The following DYRK1A variants were observed in gnomAD, a reference collection of about 807,000 sequenced individuals.
DYRK1A encodes the protein dual specificity tyrosine-phosphorylation-regulated kinase 1A.
In DYRK1A, 9 loss-of-function variants were observed where a neutral mutation model predicts 79.7. The ratio of observed to expected loss-of-function variants is 0.11; its 90% CI spans 0.07 to 0.20. The LOEUF (loss-of-function observed/expected upper bound fraction) is 0.20, where lower values mean the gene tolerates loss of function less well. DYRK1A is among the 10% of genes least tolerant of loss of function. The pLI is 1.00. For synonymous variants in DYRK1A, 349 were observed against 329.7 expected (o/e 1.06, Z -0.63); for missense variants, 622 against 956.0 (o/e 0.65, Z 4.61).
intron 2 of DYRK1A, among the ~76,000 whole-genome samples, chr21:37,450,172 T>C (rs1469341466): frequency 6.6e-6 from 1 of 152,170 alleles, no homozygotes; most frequent in Admixed American, 6.5e-5. Context: ...CATGTGATTG[T>C]CAAAACTTTG....
chr21:37,510,576 G>A (rs1384209384), intron 11 of DYRK1A, among the ~76,000 whole-genome samples: 3 of 152,136 alleles, frequency 2.0e-5, no homozygotes, highest in Admixed American at 2.0e-4. Flanking sequence ...AATTAGAATA[G>A]GCCAAACTCT....
chr21:37,411,326 A>T (rs1353300609), intron 1 of DYRK1A, among the ~76,000 whole-genome samples: 1 of 152,070 alleles, frequency 6.6e-6, no homozygotes, highest in Non-Finnish European at 1.5e-5. Context: ...ATTGCACTCC[A>T]GCCTGAGTGA....
At chr21:37,463,609 A>T (rs996191338) in intron 2 of DYRK1A, among the ~76,000 whole-genome samples, 2 of 152,142 alleles carry the variant, frequency 1.3e-5, no homozygotes, top group African/African-American at 4.8e-5. Context: ...TGATGGATTC[A>T]GTTCATTCCT....
intron 8 of DYRK1A, among the ~76,000 whole-genome samples, chr21:37,494,990 G>C (rs1350080737): frequency 6.6e-6 from 1 of 151,028 alleles, no homozygotes; most frequent in Non-Finnish European, 1.5e-5. Flanking sequence ...TGTATTTGCT[G>C]TCTTCCCACT....
chr21:37,508,593 C>T (rs1456696944), intron 11 of DYRK1A, among the ~76,000 whole-genome samples: 2 of 152,094 alleles, frequency 1.3e-5, no homozygotes, highest in Non-Finnish European at 2.9e-5. Flanking sequence ...GGCCTGTTTT[C>T]CTTACTTTAA....
intron 2 of DYRK1A, among the ~76,000 whole-genome samples, chr21:37,448,455 C>G (rs1181504876): frequency 3.3e-5 from 5 of 152,138 alleles, no homozygotes; most frequent in African/African-American, 7.2e-5. Context: ...GTCAGGAGAT[C>G]ATCTACATTT....
intron 2 of DYRK1A, among the ~76,000 whole-genome samples, chr21:37,441,227 G>A (rs984802640): frequency 3.3e-5 from 5 of 152,166 alleles, no homozygotes; most frequent in African/African-American, 1.2e-4. Flanking sequence ...TTGATAGCAT[G>A]ATATATCTTT....
intron 1 of DYRK1A, among the ~76,000 whole-genome samples, chr21:37,369,087 A>G (rs1419988863): frequency 6.6e-6 from 1 of 152,206 alleles, no homozygotes; most frequent in Non-Finnish European, 1.5e-5. Flanking sequence ...TTGATGAGTC[A>G]TAAGAAAGTT....
At position 37,523,516 on chromosome 21, in the gene DYRK1A, C is replaced by T. The variant is rs1043587373; in HGVS notation, c.*10985C>T. The T allele has an allele frequency of 6.6e-6, 1 of 152,172 alleles. No individual in the cohort carries two copies. Among genetic ancestry groups the T allele is most frequent in the African/African-American group, 2.4e-5 (1 of 41,434 alleles). The allele number at this position is 152,172 out of a possible 1,614,324, so 9.4% of individuals were successfully genotyped here. A position where few individuals can be genotyped will look rare whatever the true frequency, so the allele number is the denominator to read the frequency against. On this transcript the variant is annotated 3_prime_UTR_variant, in exon 12 of 12. Coordinates refer to ENST00000647188, the MANE Select transcript of DYRK1A (RefSeq NM_001347721.2). Reference sequence around the variant, plus strand: ...ATGAGGGAAGCTTTAGTTTTTGTCTCCCTGAAGCATCAACCTGCTTTCCTG... The same window carrying T: ...ATGAGGGAAGCTTTAGTTTTTGTCTTCCTGAAGCATCAACCTGCTTTCCTG...
At chr21:37,430,495 C>A in intron 2 of DYRK1A, 1 of 827,092 alleles carries the variant, frequency 1.2e-6, no homozygotes, top group Non-Finnish European at 1.5e-6. Flanking sequence ...ATGCACCGCG[C>A]AAATACCTGG....
At chr21:37,482,625 A>G (rs1221232559) in intron 5 of DYRK1A, among the ~76,000 whole-genome samples, 1 of 152,220 alleles carries the variant, frequency 6.6e-6, no homozygotes, top group African/African-American at 2.4e-5. Flanking sequence ...ACATCTTATC[A>G]GGAGACAGGG....
chr21:37,374,117 A>T (rs981975077), intron 1 of DYRK1A, among the ~76,000 whole-genome samples: 6 of 152,052 alleles, frequency 3.9e-5, no homozygotes, highest in Non-Finnish European at 7.4e-5. Context: ...TCTGATAGAA[A>T]CATGGTTCTT....
intron 9 of DYRK1A, chr21:37,504,047 TG>T (rs2053526702): frequency 1.3e-5 from 2 of 152,222 alleles, no homozygotes; most frequent in South Asian, 4.1e-4. Flanking sequence ...CTCTCAACTC[TG>T]TCAGGCCCCT....
chr21:37,471,488 A>G (rs2052222581), intron 2 of DYRK1A, among the ~76,000 whole-genome samples: 1 of 152,256 alleles, frequency 6.6e-6, no homozygotes, highest in African/African-American at 2.4e-5. Flanking sequence ...TTGACTGTGC[A>G]TTACTCTACA....
At chr21:37,386,210 C>G (rs1453651630) in intron 1 of DYRK1A, among the ~76,000 whole-genome samples, 1 of 151,972 alleles carries the variant, frequency 6.6e-6, no homozygotes, top group African/African-American at 2.4e-5. Flanking sequence ...ATAATTATTT[C>G]ACTATATATT....
chr21:37,394,955 T>G (rs181505026), intron 1 of DYRK1A, among the ~76,000 whole-genome samples: 1 of 152,360 alleles, frequency 6.6e-6, no homozygotes, highest in East Asian at 1.9e-4. Context: ...TCAAGTATTC[T>G]ACAGTTCACC....
chr21:37,506,779 C>A (rs958170121), intron 11 of DYRK1A, among the ~76,000 whole-genome samples: 1 of 152,164 alleles, frequency 6.6e-6, no homozygotes, highest in Non-Finnish European at 1.5e-5. Flanking sequence ...TTTAAATAAT[C>A]TAATAAAGTT....
chr21:37,365,591 C>G (rs1198009535), upstream of DYRK1A: 3 of 152,162 alleles, frequency 2.0e-5, no homozygotes, highest in Admixed American at 6.5e-5. Context: ...GTTTTCAAGC[C>G]TCGGGAGCTC....
chr21:37,427,555 ATTAG>A (rs1199140073), intron 2 of DYRK1A, among the ~76,000 whole-genome samples: 7 of 152,230 alleles, frequency 4.6e-5, no homozygotes, highest in Admixed American at 3.3e-4. Context: ...ATTTTTGCTA[ATTAG>A]TTCATGAACA....
Sources: gnomAD v4.1 joint callset for allele counts (sites outside exome capture counted in the v4.1 genomes callset) on GRCh38, gnomAD v4.1.1 for gene constraint, MANE v1.5 for transcripts, NCBI Gene and HGNC (gene_info 2026-07-23, HGNC 2026-07-21) for gene names.